The following FBXO38 variants were observed in gnomAD, a reference collection of about 807,000 sequenced individuals.
FBXO38 encodes F-box only protein 38.
Under a neutral mutation model 131.9 loss-of-function variants are expected in FBXO38, and 53 were observed. The ratio of observed to expected loss-of-function variants is 0.40; its 90% CI spans 0.32 to 0.51. The LOEUF is 0.51. Among genes scored for constraint, FBXO38 ranks in the 20% least tolerant of loss-of-function variants. The pLI is 0.53. For missense variants in FBXO38, 1,076 were observed against 1,475.6 expected (o/e 0.73, Z 4.44); for synonymous variants, 452 against 505.6 (o/e 0.89, Z 1.42).
intron 20 of FBXO38, 128 bp from the exon 21 acceptor site, chr5:148,440,996 G>T: frequency 1.4e-6 from 1 of 689,752 alleles, no homozygotes. Context: ...TTTGATAGCT[G>T]GAAATGATTT....
intron 5 of FBXO38, 180 bp downstream of exon 5, chr5:148,402,693 G>T: frequency 2.1e-6 from 1 of 480,488 alleles, no homozygotes; most frequent in Non-Finnish European, 3.7e-6. Context: ...CTGGTGTGAG[G>T]GAAATACTGC....
chr5:148,403,318 G>C (rs117133355), intron 5 of FBXO38, among the ~76,000 whole-genome samples: 1 of 152,042 alleles, frequency 6.6e-6, no homozygotes, highest in Non-Finnish European at 1.5e-5. Context: ...ACTGTATTAT[G>C]GTGATGCAGA....
intron 6 of FBXO38, among the ~76,000 whole-genome samples, chr5:148,405,959 A>G (rs529683722): frequency 5.9e-5 from 9 of 152,206 alleles, no homozygotes; most frequent in Non-Finnish European, 1.2e-4. Context: ...TGAGTGAAGG[A>G]TCAAATTTTT....
intron 3 of FBXO38, among the ~76,000 whole-genome samples, chr5:148,400,260 T>C (rs1461956870): frequency 6.6e-6 from 1 of 152,112 alleles, no homozygotes; most frequent in East Asian, 1.9e-4. Context: ...AATGATCCTG[T>C]ATGTCAGGAA....
At chr5:148,384,588 G>T (rs1757813890) in intron 1 of FBXO38, among the ~76,000 whole-genome samples, 2 of 152,142 alleles carry the variant, frequency 1.3e-5, no homozygotes, top group Non-Finnish European at 2.9e-5. Context: ...TTTCTGTGCT[G>T]CAGTTTGCTT....
intron 17 of FBXO38, among the ~76,000 whole-genome samples, chr5:148,436,748 A>G (rs1011006220): frequency 6.6e-6 from 1 of 152,228 alleles, no homozygotes; most frequent in Non-Finnish European, 1.5e-5. Flanking sequence ...GAATTCTACA[A>G]AAGTTCAGAC....
At chr5:148,433,558 G>A (rs917196719) in intron 16 of FBXO38, 34 bp downstream of exon 16, 15 of 1,560,770 alleles carry the variant, frequency 9.6e-6, no homozygotes, top group African/African-American at 1.4e-5. Flanking sequence ...CTTTATCACA[G>A]TCTAGCCCAG....
chr5:148,391,510 G>C (rs941529823), intron 1 of FBXO38, among the ~76,000 whole-genome samples: 1 of 152,142 alleles, frequency 6.6e-6, no homozygotes, highest in Non-Finnish European at 1.5e-5. Context: ...GGAAAAGAAG[G>C]ACATTTCCAG....
At chr5:148,416,777 A>G (rs2113587812) in intron 11 of FBXO38, 1 of 528,490 alleles carries the variant, frequency 1.9e-6, no homozygotes, top group Non-Finnish European at 3.4e-6. Context: ...TTCTCCTTGC[A>G]TGACTCCTCA....
intron 6 of FBXO38, among the ~76,000 whole-genome samples, chr5:148,405,285 C>T (rs1208452789): frequency 1.3e-5 from 2 of 152,160 alleles, no homozygotes; most frequent in African/African-American, 2.4e-5. Flanking sequence ...ATGCCCAATA[C>T]AAATTCTTAA....
At chr5:148,433,397 G>A in intron 15 of FBXO38, 27 bp from the exon 16 acceptor site, 1 of 1,564,178 alleles carries the variant, frequency 6.4e-7, no homozygotes, top group African/African-American at 1.4e-5. Flanking sequence ...CTAAAATTTG[G>A]ATTTTCTTTT....
intron 13 of FBXO38, 68 bp downstream of exon 13, chr5:148,424,185 G>A (rs1170386702): frequency 6.7e-7 from 1 of 1,484,414 alleles, no homozygotes; most frequent in African/African-American, 1.4e-5. Flanking sequence ...AAGTACATGA[G>A]ACAGCGAGAA....
At chr5:148,387,830 T>G (rs1757995511) in intron 1 of FBXO38, among the ~76,000 whole-genome samples, 1 of 152,008 alleles carries the variant, frequency 6.6e-6, no homozygotes, top group Admixed American at 6.6e-5. Context: ...TGGCTGGGAT[T>G]ACAGGCACAT....
chr5:148,411,730 T>C (rs1282759285), intron 9 of FBXO38, among the ~76,000 whole-genome samples: 1 of 152,206 alleles, frequency 6.6e-6, no homozygotes, highest in South Asian at 2.1e-4. Flanking sequence ...ATTAGAATCA[T>C]GTTAAATCTG....
At chr5:148,399,308 A>G in intron 3 of FBXO38, 176 bp downstream of exon 3, 2 of 646,998 alleles carry the variant, frequency 3.1e-6, no homozygotes, top group Non-Finnish European at 5.2e-6. Flanking sequence ...GTTTTACCTG[A>G]GGCTTTATTG....
At chr5:148,396,597 G>C (rs573541968) in intron 2 of FBXO38, among the ~76,000 whole-genome samples, 1 of 152,168 alleles carries the variant, frequency 6.6e-6, no homozygotes, top group African/African-American at 2.4e-5. Context: ...GATAAAGTTG[G>C]ATAATGCTAG....
Position 148,428,039 on chromosome 5 carries a change from T to G in FBXO38, c.2653+92T>G, listed in dbSNP as rs1753824912. The G allele has an allele frequency of 3.7e-6, 5 of 1,357,894 alleles. No individual in the cohort carries two copies. The South Asian group carries it at 1.1e-4, about 30-fold the overall frequency. The allele number at this position is 1,357,894 out of a possible 1,614,324, so 84.1% of individuals were successfully genotyped here. A position where few individuals can be genotyped will look rare whatever the true frequency, so the allele number is the denominator to read the frequency against. Reference sequence around the variant, plus strand: ...TGAGTTTTCTTACAAAAAGCCAGTTTGGCAAATTAAATTCTATTTTGGGGT... The same window carrying G: ...TGAGTTTTCTTACAAAAAGCCAGTTGGGCAAATTAAATTCTATTTTGGGGT... On this transcript the variant is annotated intron_variant, in intron 15 of 21. Transcript: ENST00000340253.
intron 12 of FBXO38, among the ~76,000 whole-genome samples, chr5:148,420,785 GTTC>G (rs1753370712): frequency 6.6e-6 from 1 of 151,970 alleles, no homozygotes; most frequent in African/African-American, 2.4e-5. Flanking sequence ...TGCCCTCAGA[GTTC>G]CAGTTATTCG....
At chr5:148,401,767 C>T (rs1310037978) in intron 3 of FBXO38, among the ~76,000 whole-genome samples, 4 of 152,132 alleles carry the variant, frequency 2.6e-5, no homozygotes, top group Non-Finnish European at 4.4e-5. Flanking sequence ...AAGCCTCCTC[C>T]ATAAAGTATT....
Sources: gnomAD v4.1 joint callset for allele counts (sites outside exome capture counted in the v4.1 genomes callset) on GRCh38, gnomAD v4.1.1 for gene constraint, MANE v1.5 for transcripts, NCBI Gene and HGNC (gene_info 2026-07-23, HGNC 2026-07-21) for gene names.